Variants in VPS53 observed in about 807,000 individuals in gnomAD.
VPS53 encodes vacuolar protein sorting-associated protein 53 homolog.
A neutral mutation model predicts 107.0 loss-of-function variants in VPS53; 70 were observed. The observed-to-expected ratio is 0.65, with a 90% CI of 0.54 to 0.80. VPS53 has a LOEUF of 0.80. VPS53 is among the 30% of genes least tolerant of loss of function. VPS53 has a pLI of 0.00. For missense variants in VPS53, 917 were observed against 1,049.4 expected (o/e 0.87, Z 1.74); for synonymous variants, 409 against 393.3 (o/e 1.04, Z -0.47).
chr17:543,388 TG>T (rs1910857162), intron 17 of VPS53, among the ~76,000 whole-genome samples: 1 of 152,218 alleles, frequency 6.6e-6, no homozygotes, highest in African/African-American at 2.4e-5. Context: ...ATAAATTATG[TG>T]CCAGACGGTA....
intron 15 of VPS53, 51 bp from the exon 16 acceptor site, chr17:553,513 G>A (rs1164540075): frequency 7.5e-7 from 1 of 1,337,398 alleles, no homozygotes; most frequent in Admixed American, 1.7e-5. Flanking sequence ...ATCCAAAGAA[G>A]TACCATCACA....
At chr17:623,827 G>A (rs1226225882) in intron 10 of VPS53, among the ~76,000 whole-genome samples, 153 bp from the exon 11 acceptor site, 1 of 151,570 alleles carries the variant, frequency 6.6e-6, no homozygotes, top group Non-Finnish European at 1.5e-5. Flanking sequence ...TAAAACCTGG[G>A]GAATAGAAAT....
intron 13 of VPS53, among the ~76,000 whole-genome samples, chr17:584,092 C>A (rs952488296): frequency 6.6e-6 from 1 of 152,182 alleles, no homozygotes; most frequent in African/African-American, 2.4e-5. Context: ...TCCCTCAGAA[C>A]CTCAGTGTGT....
chr17:633,485 C>G (rs1289531594), intron 7 of VPS53, among the ~76,000 whole-genome samples: 1 of 152,208 alleles, frequency 6.6e-6, no homozygotes, highest in East Asian at 1.9e-4. Flanking sequence ...ATTTCTTTGG[C>G]TGCTAAGGAG....
chr17:529,828 G>A (rs1909395671), intron 19 of VPS53, among the ~76,000 whole-genome samples: 1 of 149,770 alleles, frequency 6.7e-6, no homozygotes, highest in African/African-American at 2.5e-5. Context: ...TGGAGTTTGA[G>A]ACCAGCCTGG....
At chr17:553,730 C>CATGT (rs1314140661) in intron 15 of VPS53, among the ~76,000 whole-genome samples, 1 of 151,868 alleles carries the variant, frequency 6.6e-6, no homozygotes, top group Non-Finnish European at 1.5e-5. Flanking sequence ...GCTACCACAC[C>CATGT]CGGCTAATTT....
At position 512,776 on chromosome 17, in the gene VPS53, C is replaced by T. The variant is rs959272852; in HGVS notation, c.*6352G>A. On this transcript the variant is annotated 3_prime_UTR_variant, in exon 22 of 22. Transcript: ENST00000437048. Reference sequence around the variant, plus strand: ...CCAGCTACTAAGGAAACAGGATGGACTCATGCGTGCAGGAGAGAAATCACT... The same window carrying T: ...CCAGCTACTAAGGAAACAGGATGGATTCATGCGTGCAGGAGAGAAATCACT... 2 of 152,180 alleles carry T rather than the reference C, an allele frequency of 1.3e-5. No individual in the cohort carries two copies. Among genetic ancestry groups the T allele is most frequent in the African/African-American group, 2.4e-5 (1 of 41,438 alleles). The allele number at this position is 152,180 out of a possible 1,614,324, so 9.4% of individuals were successfully genotyped here. A position where few individuals can be genotyped will look rare whatever the true frequency, so the allele number is the denominator to read the frequency against.
At chr17:582,195 C>CG (rs1967061897) in intron 13 of VPS53, among the ~76,000 whole-genome samples, 1 of 134,588 alleles carries the variant, frequency 7.4e-6, no homozygotes. Flanking sequence ...GAACCTAATG[C>CG]ATCCCAGAGA....
rs1376573647 is a variant in VPS53, at chr17:519,535, G to C, written c.2329-237C>G. Reference sequence around the variant, plus strand: ...AAGAAGCGGCTGACAGAGGAGAAAGGACAGGTCAAGAAGGTGGGAAGGACA... The same window carrying C: ...AAGAAGCGGCTGACAGAGGAGAAAGCACAGGTCAAGAAGGTGGGAAGGACA... On this transcript the variant is annotated intron_variant, in intron 21 of 21. Transcript: ENST00000437048. The surrounding 1 kb of genome is among the most constrained non-coding windows in gnomAD (Gnocchi z 5.0). Among the ~76,000 whole-genome samples the C allele has an allele frequency of 6.6e-6, 1 of 152,172 alleles. No individual in the cohort carries two copies. The highest frequency in any genetic ancestry group is 1.5e-5 in the Non-Finnish European group (1 of 68,028).
intron 13 of VPS53, among the ~76,000 whole-genome samples, chr17:564,964 G>A (rs1913354654): frequency 6.6e-6 from 1 of 152,140 alleles, no homozygotes; most frequent in South Asian, 2.1e-4. Context: ...TTTTTAGGTT[G>A]CCGTTTAAGG....
chr17:613,869 C>T (rs1969015215), intron 11 of VPS53, among the ~76,000 whole-genome samples: 1 of 152,240 alleles, frequency 6.6e-6, no homozygotes, highest in Non-Finnish European at 1.5e-5. Flanking sequence ...AAGTGGAAAC[C>T]ACCCGAATGT....
rs147477645 is a variant in VPS53 at position 700,130 on chromosome 17, T to A, written c.169-750A>T. Among the ~76,000 whole-genome samples, 46 of 152,284 alleles carry A rather than the reference T, an allele frequency of 3.0e-4. 1 individual carries two copies. In the East Asian group the frequency reaches 8.7e-3, roughly 29 times the overall value. On this transcript the variant is annotated intron_variant, in intron 2 of 21. Transcript: ENST00000437048. ...ACAAATTTATTTTTTATTATATAGATCCACTAGAAAAAAGTCTGGAAGGAT... is the reference window on the plus strand; with the variant it reads ...ACAAATTTATTTTTTATTATATAGAACCACTAGAAAAAAGTCTGGAAGGAT...
At chr17:699,603 AG>A (rs1380493344) in intron 2 of VPS53, among the ~76,000 whole-genome samples, 11 of 152,348 alleles carry the variant, frequency 7.2e-5, no homozygotes, top group African/African-American at 2.6e-4. Context: ...ACTGGAACAC[AG>A]CCATGCCCGT....
At chr17:643,385 G>C (rs1970530963) in intron 7 of VPS53, among the ~76,000 whole-genome samples, 1 of 149,050 alleles carries the variant, frequency 6.7e-6, no homozygotes, top group African/African-American at 2.5e-5. Flanking sequence ...ACTCATACTT[G>C]GCAACTGAGG....
Position 519,966 on chromosome 17 carries a change from A to G in VPS53, c.2224-36T>C. 2.1e-6 allele frequency: 3 copies of G among 1,446,258 alleles called. No homozygotes were observed. Among genetic ancestry groups the G allele is most frequent in the Non-Finnish European group, 2.9e-6 (3 of 1,051,254 alleles). The allele number at this position is 1,446,258 out of a possible 1,614,324, so 89.6% of individuals were successfully genotyped here. A position where few individuals can be genotyped will look rare whatever the true frequency, so the allele number is the denominator to read the frequency against. ...AGGAGACAGGAGCAAGCCCCTCAGG[A>G]AAACTACCACCACGGGAGGAGACAG... On this transcript the variant is annotated intron_variant, in intron 20 of 21. Transcript: ENST00000437048. This position sits in a 1 kb window ranked among gnomAD's most constrained non-coding sequence, Gnocchi z 5.0.
At chr17:584,232 T>G (rs528876703) in intron 13 of VPS53, among the ~76,000 whole-genome samples, 1 of 152,310 alleles carries the variant, frequency 6.6e-6, no homozygotes, top group South Asian at 2.1e-4. Context: ...CCAGTCTGTC[T>G]CCAGTCATCT....
intron 4 of VPS53, among the ~76,000 whole-genome samples, chr17:679,375 G>A (rs532595582): frequency 1.8e-4 from 27 of 152,054 alleles, no homozygotes; most frequent in South Asian, 4.2e-4. Context: ...TTAGCCAGGC[G>A]TGGTGGCGGC....
At chr17:535,408 CG>C (rs1347521638) in intron 18 of VPS53, among the ~76,000 whole-genome samples, 1 of 135,274 alleles carries the variant, frequency 7.4e-6, no homozygotes, top group Non-Finnish European at 1.7e-5. Flanking sequence ...GCTAAGTCAA[CG>C]GACTCCTCCT....
chr17:659,695 C>G (rs937138010), intron 5 of VPS53, among the ~76,000 whole-genome samples: 2 of 151,280 alleles, frequency 1.3e-5, no homozygotes, highest in African/African-American at 4.9e-5. Context: ...TCTATCCCTT[C>G]TCTCTATGTC....
Sources: allele counts gnomAD v4.1 joint callset (sites outside exome capture counted in the v4.1 genomes callset), GRCh38; gene constraint gnomAD v4.1.1; non-coding constraint Gnocchi (gnomAD v3.1); transcripts MANE v1.5; gene names NCBI Gene and HGNC (gene_info 2026-07-23, HGNC 2026-07-21).